FBXL17: variants seen among roughly 807,000 people sequenced by gnomAD.
The protein encoded by FBXL17 is F-box/LRR-repeat protein 17.
In FBXL17, 22 loss-of-function variants were observed where a neutral mutation model predicts 66.2. The ratio of observed to expected loss-of-function variants is 0.33; its 90% CI spans 0.24 to 0.47. The LOEUF (loss-of-function observed/expected upper bound fraction) is 0.47, where lower values mean the gene tolerates loss of function less well. Among genes scored for constraint, FBXL17 ranks in the 20% least tolerant of loss-of-function variants. The pLI, the probability that FBXL17 is intolerant of heterozygous loss-of-function variation, is 1.00. For synonymous variants in FBXL17, 474 were observed against 400.5 expected, an observed-to-expected ratio of 1.18 and a Z score of -2.19; for missense variants, 878 against 948.2, an observed-to-expected ratio of 0.93 and a Z score of 0.97.
At chr5:108,296,723 A>G (rs916141877) in intron 4 of FBXL17, among the ~76,000 whole-genome samples, 1 of 151,736 alleles carries the variant, frequency 6.6e-6, no homozygotes, top group African/African-American at 2.4e-5. Context: ...TTGCTCTGAG[A>G]AAATAAGTAG....
At chr5:108,343,982 G>C (rs898694402) in intron 4 of FBXL17, among the ~76,000 whole-genome samples, 3 of 152,152 alleles carry the variant, frequency 2.0e-5, no homozygotes, top group African/African-American at 7.2e-5. Context: ...ATCTCATTTA[G>C]TCTGATCCTC....
chr5:108,102,998 C>T (rs771610171), intron 6 of FBXL17, among the ~76,000 whole-genome samples: 31 of 152,086 alleles, frequency 2.0e-4, no homozygotes, highest in Non-Finnish European at 4.0e-4. Context: ...GTTATAAACA[C>T]CACAGTGAAG....
intron 4 of FBXL17, among the ~76,000 whole-genome samples, chr5:108,326,968 T>C (rs762230330): frequency 9.2e-5 from 14 of 152,194 alleles, no homozygotes; most frequent in Non-Finnish European, 1.6e-4. Flanking sequence ...AACTCATTCC[T>C]TAAAATTTAT....
intron 7 of FBXL17, among the ~76,000 whole-genome samples, chr5:107,989,490 G>T (rs1753149669): frequency 6.6e-6 from 1 of 152,084 alleles, no homozygotes; most frequent in African/African-American, 2.4e-5. Context: ...TTTTATGGCT[G>T]AATAATATTC....
At chr5:108,334,715 G>A (rs2150245150) in intron 4 of FBXL17, among the ~76,000 whole-genome samples, 1 of 152,228 alleles carries the variant, frequency 6.6e-6, no homozygotes, top group East Asian at 1.9e-4. Context: ...AAGTGCAATA[G>A]AAAGTTTGTT....
intron 7 of FBXL17, among the ~76,000 whole-genome samples, chr5:107,983,193 T>C (rs1752888542): frequency 6.6e-6 from 1 of 152,136 alleles, no homozygotes; most frequent in Admixed American, 6.5e-5. Context: ...GACTGCCCAG[T>C]GTCTGAGTTG....
At chr5:108,274,964 G>A (rs1375220727) in intron 4 of FBXL17, among the ~76,000 whole-genome samples, 2 of 152,102 alleles carry the variant, frequency 1.3e-5, no homozygotes, top group African/African-American at 4.8e-5. Context: ...GAGCAGAGAG[G>A]TTAACTACTC....
At chr5:108,337,023 C>T (rs192581951) in intron 4 of FBXL17, among the ~76,000 whole-genome samples, 2 of 151,892 alleles carry the variant, frequency 1.3e-5, no homozygotes, top group South Asian at 2.1e-4. Flanking sequence ...TCTGGGAGGC[C>T]GAGGCAGGTG....
chr5:108,013,246 C>T (rs149173664), intron 7 of FBXL17, among the ~76,000 whole-genome samples: 146 of 152,022 alleles, frequency 9.6e-4, no homozygotes, highest in African/African-American at 3.4e-3. Context: ...AAGTTGTTAC[C>T]ATGGGAATGC....
Position 107,944,814 on chromosome 5 carries a change from T to C in FBXL17, c.1823-63635A>G, listed in dbSNP as rs558492557. ...TTCAAGTAGATAAAAGATCTAAATA[T>C]AAAAAGCAAATTCAAACTTTCAGGA... is the stretch of plus-strand genomic sequence containing the variant. On this transcript the variant is annotated intron_variant, in intron 7 of 8. Transcript: ENST00000542267. Among the ~76,000 whole-genome samples, 4 of 152,124 alleles carry C rather than the reference T, an allele frequency of 2.6e-5. No individual in the cohort carries two copies. In the East Asian group the frequency reaches 5.8e-4, roughly 22 times the overall value.
chr5:108,190,383 CAG>C (rs1425374635), intron 5 of FBXL17, among the ~76,000 whole-genome samples: 1 of 152,124 alleles, frequency 6.6e-6, no homozygotes, highest in Non-Finnish European at 1.5e-5. Context: ...TAGAGAGAGA[CAG>C]AGAGTCTGAG....
rs966920908 is a variant in FBXL17, at chr5:108,018,970, G to A, written c.1822+1955C>T. Among the ~76,000 whole-genome samples, 4 of 152,096 alleles carry A rather than the reference G, an allele frequency of 2.6e-5. No homozygotes were observed. The East Asian group carries it at 5.8e-4, about 22-fold the overall frequency. On this transcript the variant is annotated intron_variant, in intron 7 of 8. Transcript: ENST00000542267. ...TGTGCAGACAGGGTTGAGAAACACT[G>A]AACTAAAATAATTCAGAGACACAAA...
At chr5:108,072,858 T>C (rs1748395058) in intron 6 of FBXL17, among the ~76,000 whole-genome samples, 1 of 152,184 alleles carries the variant, frequency 6.6e-6, no homozygotes, top group African/African-American at 2.4e-5. Flanking sequence ...TTCTCTGATA[T>C]GAAATATGTT....
intron 7 of FBXL17, among the ~76,000 whole-genome samples, chr5:107,972,301 A>G (rs1221597212): frequency 6.6e-6 from 1 of 152,250 alleles, no homozygotes; most frequent in African/African-American, 2.4e-5. Flanking sequence ...AAATGGTGTA[A>G]ATGTATCTTT....
intron 7 of FBXL17, among the ~76,000 whole-genome samples, chr5:108,007,957 C>T (rs375537038): frequency 6.6e-6 from 1 of 152,116 alleles, no homozygotes. Context: ...TTTACATGTG[C>T]GGCACATATT....
rs139701374 is a variant in FBXL17 at position 108,071,646 on chromosome 5, C to T, written c.1746-50645G>A. Among the ~76,000 whole-genome samples, 69 of 152,070 alleles carry T rather than the reference C, an allele frequency of 4.5e-4. No individual in the cohort carries two copies. The East Asian group carries it at 0.013, about 28-fold the overall frequency. On this transcript the variant is annotated intron_variant, in intron 6 of 8. Transcript: ENST00000542267. ...TCTTTTCCCCTCTCTTAGTCTCTTTCTCTGTTTCCTCATGTTCAAGTTTTT... is the reference window on the plus strand; with the variant it reads ...TCTTTTCCCCTCTCTTAGTCTCTTTTTCTGTTTCCTCATGTTCAAGTTTTT...
intron 4 of FBXL17, among the ~76,000 whole-genome samples, chr5:108,287,980 AGAG>A (rs1309557176): frequency 6.6e-6 from 1 of 152,016 alleles, no homozygotes; most frequent in African/African-American, 2.4e-5. Flanking sequence ...GGATGGAGGT[AGAG>A]GCCATTATAC....
intron 6 of FBXL17, among the ~76,000 whole-genome samples, chr5:108,174,558 C>A (rs890443980): frequency 3.9e-5 from 6 of 152,076 alleles, no homozygotes; most frequent in South Asian, 2.1e-4. Context: ...CTTTTTGCAC[C>A]AGAGCAATTA....
chr5:107,911,733 C>G (rs1337309922), intron 7 of FBXL17, among the ~76,000 whole-genome samples: 9 of 151,958 alleles, frequency 5.9e-5, no homozygotes, highest in Non-Finnish European at 1.3e-4. Context: ...TTCTAAAAGC[C>G]AAATACATTT....
Sources: gnomAD v4.1 joint callset for allele counts (sites outside exome capture counted in the v4.1 genomes callset) on GRCh38, gnomAD v4.1.1 for gene constraint, MANE v1.5 for transcripts, NCBI Gene and HGNC (gene_info 2026-07-23, HGNC 2026-07-21) for gene names.